The following FGF10 variants were observed in gnomAD, a reference collection of about 807,000 sequenced individuals.
FGF10 encodes fibroblast growth factor 10.
In FGF10, 2 loss-of-function variants were observed where a neutral mutation model predicts 19.8. The ratio of observed to expected loss-of-function variants is 0.10; its 90% CI spans 0.04 to 0.32. The LOEUF (loss-of-function observed/expected upper bound fraction) is 0.32, where lower values mean the gene tolerates loss of function less well. Among genes scored for constraint, FGF10 ranks in the 10% least tolerant of loss-of-function variants. FGF10 has a pLI of 1.00. For synonymous variants in FGF10, 112 were observed against 94.0 expected, an observed-to-expected ratio of 1.19 and a Z score of -1.10; for missense variants, 191 against 246.3, an observed-to-expected ratio of 0.78 and a Z score of 1.50.
intron 1 of FGF10, among the ~76,000 whole-genome samples, chr5:44,382,427 T>A (rs779311907): frequency 6.6e-6 from 1 of 152,192 alleles, no homozygotes; most frequent in Non-Finnish European, 1.5e-5. Context: ...ATCAACATTT[T>A]GTATTCATTA....
chr5:44,310,566 T>C, intron 1 of FGF10, 36 bp from the exon 2 acceptor site: 1 of 1,406,120 alleles, frequency 7.1e-7, no homozygotes, highest in East Asian at 2.3e-5. Context: ...AAATAAAGAA[T>C]CCTAAATATA....
At chr5:44,376,511 A>AAAAAC (rs1561219509) in intron 1 of FGF10, among the ~76,000 whole-genome samples, 1 of 140,478 alleles carries the variant, frequency 7.1e-6, no homozygotes, top group African/African-American at 2.7e-5. Flanking sequence ...AAAAAAAAAA[A>AAAAAC]AAAAAACAAA....
intron 1 of FGF10, among the ~76,000 whole-genome samples, chr5:44,316,048 C>A (rs1272151979): frequency 6.6e-6 from 1 of 152,320 alleles, no homozygotes; most frequent in Non-Finnish European, 1.5e-5. Context: ...CTCTCCATCA[C>A]TAGCATTACT....
intron 1 of FGF10, among the ~76,000 whole-genome samples, chr5:44,380,434 C>A (rs147766981): frequency 1.0e-3 from 156 of 152,264 alleles, no homozygotes; most frequent in East Asian, 8.3e-3. Flanking sequence ...GTTGGTGTTT[C>A]AAAAATTCCT....
rs189683815 is a variant in FGF10, at chr5:44,378,599, T to G, written c.325+9759A>C. Among the ~76,000 whole-genome samples the G allele has an allele frequency of 2.0e-5, 3 of 152,190 alleles. No homozygotes were observed. In the South Asian group the frequency reaches 6.2e-4, roughly 32 times the overall value. On this transcript the variant is annotated intron_variant, in intron 1 of 2. Coordinates refer to ENST00000264664, the MANE Select transcript of FGF10 (RefSeq NM_004465.2). The stretch of plus-strand genomic sequence containing the variant: ...GGCGCCCGCCACCGCGCCCGGCTAA[T>G]TTTTTGTATTTTTAGTAGAGACGGG...
chr5:44,315,221 T>C (rs1293615924), intron 1 of FGF10, among the ~76,000 whole-genome samples: 1 of 149,588 alleles, frequency 6.7e-6, no homozygotes, highest in African/African-American at 2.5e-5. Flanking sequence ...ATATTAAGTG[T>C]GGTATGAGAG....
At chr5:44,326,033 A>G (rs1740607455) in intron 1 of FGF10, among the ~76,000 whole-genome samples, 1 of 152,206 alleles carries the variant, frequency 6.6e-6, no homozygotes, top group Non-Finnish European at 1.5e-5. Context: ...AAAACAGGTC[A>G]AAAAGCATTT....
intron 1 of FGF10, among the ~76,000 whole-genome samples, chr5:44,368,296 G>T (rs990344995): frequency 2.0e-5 from 3 of 152,086 alleles, no homozygotes; most frequent in Non-Finnish European, 4.4e-5. Flanking sequence ...AAAATTGGAA[G>T]TATGCAATTC....
At chr5:44,335,020 T>C (rs1273371452) in intron 1 of FGF10, among the ~76,000 whole-genome samples, 1 of 152,160 alleles carries the variant, frequency 6.6e-6, no homozygotes, top group Non-Finnish European at 1.5e-5. Flanking sequence ...TGTATTTGAT[T>C]TAATTTAATC....
intron 1 of FGF10, among the ~76,000 whole-genome samples, chr5:44,382,686 G>T (rs1162860588): frequency 6.6e-6 from 1 of 152,062 alleles, no homozygotes; most frequent in African/African-American, 2.4e-5. Flanking sequence ...TACCATGAAA[G>T]ATTTAAATCC....
At chr5:44,382,855 T>C (rs920290020) in intron 1 of FGF10, among the ~76,000 whole-genome samples, 1 of 152,142 alleles carries the variant, frequency 6.6e-6, no homozygotes, top group Non-Finnish European at 1.5e-5. Flanking sequence ...ATTTTACTTA[T>C]ATTAAGCAAA....
At chr5:44,331,907 C>T (rs1283926786) in intron 1 of FGF10, among the ~76,000 whole-genome samples, 1 of 151,766 alleles carries the variant, frequency 6.6e-6, no homozygotes, top group Non-Finnish European at 1.5e-5. Context: ...TTAATGTGGA[C>T]ACTTTTGGGC....
At chr5:44,382,584 C>T (rs930390699) in intron 1 of FGF10, among the ~76,000 whole-genome samples, 8 of 151,876 alleles carry the variant, frequency 5.3e-5, no homozygotes, top group African/African-American at 1.7e-4. Flanking sequence ...GAAAGAGTGC[C>T]GATTACAAAA....
chr5:44,366,711 T>C (rs562630594), intron 1 of FGF10, among the ~76,000 whole-genome samples: 1 of 152,154 alleles, frequency 6.6e-6, no homozygotes, highest in East Asian at 1.9e-4. Context: ...AAAAGCTGAT[T>C]CTAGGTTAGT....
At chr5:44,342,074 G>A (rs867519144) in intron 1 of FGF10, among the ~76,000 whole-genome samples, 10 of 151,874 alleles carry the variant, frequency 6.6e-5, no homozygotes, top group African/African-American at 2.4e-4. Context: ...AATAACATTT[G>A]TGAATTTAAA....
At chr5:44,354,496 C>T (rs893895090) in intron 1 of FGF10, among the ~76,000 whole-genome samples, 2 of 151,446 alleles carry the variant, frequency 1.3e-5, no homozygotes, top group African/African-American at 4.8e-5. Flanking sequence ...CTTACTCTTA[C>T]ATCTAATTGC....
At chr5:44,345,446 A>G (rs1741067524) in intron 1 of FGF10, among the ~76,000 whole-genome samples, 1 of 151,796 alleles carries the variant, frequency 6.6e-6, no homozygotes, top group Admixed American at 6.6e-5. Flanking sequence ...AATGACCATT[A>G]CCATCATCAA....
In FGF10 at chr5:44,304,501, A is replaced by G. The variant is rs537626032; in HGVS notation, c.*494T>C. On this transcript the variant is annotated 3_prime_UTR_variant, in exon 3 of 3. Coordinates refer to ENST00000264664, the MANE Select transcript of FGF10 (RefSeq NM_004465.2). ...AATTATTCCATGAGACCACATCCAG[A>G]ACTCCTTTGGTTGTGCATATGATAT... 4 of 162,766 alleles carry G rather than the reference A, an allele frequency of 2.5e-5. No individual in the cohort carries two copies. Among genetic ancestry groups the G allele is most frequent in the African/African-American group, 7.2e-5 (3 of 41,648 alleles). 10.1% of individuals were successfully genotyped at this position (162,766 alleles called of 1,614,324 possible).
At position 44,319,208 on chromosome 5, in the gene FGF10, T is replaced by A. The variant is rs562178496; in HGVS notation, c.326-8678A>T. On this transcript the variant is annotated intron_variant, in intron 1 of 2. Coordinates refer to ENST00000264664, the MANE Select transcript of FGF10 (RefSeq NM_004465.2). Reference sequence around the variant, plus strand: ...TTTGGGCTTGGCCACTGCATTTTATTTATAAAGAGAGAAAAAAAATTAAGC... The same window carrying A: ...TTTGGGCTTGGCCACTGCATTTTATATATAAAGAGAGAAAAAAAATTAAGC... 3.2e-3 allele frequency among the ~76,000 whole-genome samples: 487 copies of A among 152,186 alleles called. 3 individuals carry two copies. The highest frequency in any genetic ancestry group is 4.3e-3 in the Non-Finnish European group (295 of 68,002).
Sources: gnomAD v4.1 joint callset for allele counts (sites outside exome capture counted in the v4.1 genomes callset) on GRCh38, gnomAD v4.1.1 for gene constraint, MANE v1.5 for transcripts, NCBI Gene and HGNC (gene_info 2026-07-23, HGNC 2026-07-21) for gene names.